The following DLC1 variants were observed in gnomAD, a reference collection of about 807,000 sequenced individuals.
DLC1 encodes DLC1 Rho GTPase activating protein.
DLC1 carries 54 observed loss-of-function variants against 140.3 expected under a neutral mutation model. That is an observed-to-expected ratio of 0.38 (90% confidence interval 0.31 to 0.48). The LOEUF (loss-of-function observed/expected upper bound fraction) is 0.48, where lower values mean the gene tolerates loss of function less well. Among genes scored for constraint, DLC1 ranks in the 20% least tolerant of loss-of-function variants. The pLI, the probability that DLC1 is intolerant of heterozygous loss-of-function variation, is 0.96. For synonymous variants in DLC1, 986 were observed against 728.1 expected, an observed-to-expected ratio of 1.35 and a Z score of -5.70; for missense variants, 2,536 against 1,907.0, an observed-to-expected ratio of 1.33 and a Z score of -6.14.
At chr8:13,325,740 A>C (rs946756452) in intron 4 of DLC1, among the ~76,000 whole-genome samples, 6 of 152,224 alleles carry the variant, frequency 3.9e-5, no homozygotes, top group Admixed American at 3.3e-4. Flanking sequence ...ATTCTCTGGG[A>C]AAAATGGGCA....
At chr8:13,563,256 C>T (rs1462975064) in intron 1 of DLC1, among the ~76,000 whole-genome samples, 1 of 152,112 alleles carries the variant, frequency 6.6e-6, no homozygotes, top group Non-Finnish European at 1.5e-5. Context: ...ATTCTTGAGG[C>T]AGTCAGATAA....
At chr8:13,497,658 T>C (rs1278931912) in intron 2 of DLC1, among the ~76,000 whole-genome samples, 4 of 152,232 alleles carry the variant, frequency 2.6e-5, no homozygotes, top group Non-Finnish European at 5.9e-5. Flanking sequence ...GTGGAGTTTG[T>C]TTTATTTTAG....
chr8:13,497,579 G>C (rs1216896484), intron 2 of DLC1, among the ~76,000 whole-genome samples: 3 of 152,186 alleles, frequency 2.0e-5, no homozygotes, highest in Non-Finnish European at 2.9e-5. Context: ...AGCATTCTTA[G>C]TATTGATATA....
intron 5 of DLC1, among the ~76,000 whole-genome samples, chr8:13,291,986 T>C (rs981262693): frequency 3.8e-5 from 1 of 26,286 alleles, no homozygotes; most frequent in African/African-American, 7.1e-5. Context: ...ATGCAATGTT[T>C]TCTTTTTTTT....
At chr8:13,443,449 G>C (rs952992456) in intron 2 of DLC1, among the ~76,000 whole-genome samples, 4 of 151,156 alleles carry the variant, frequency 2.6e-5, no homozygotes. Context: ...CATAAGGTCA[G>C]GAGATCGAGA....
At chr8:13,189,197 A>G (rs1826598677) in intron 5 of DLC1, among the ~76,000 whole-genome samples, 1 of 152,174 alleles carries the variant, frequency 6.6e-6, no homozygotes, top group African/African-American at 2.4e-5. Flanking sequence ...AATAGAGGCT[A>G]AAATAGCCTC....
At chr8:13,488,149 A>G (rs1801055184) in intron 2 of DLC1, among the ~76,000 whole-genome samples, 1 of 152,206 alleles carries the variant, frequency 6.6e-6, no homozygotes. Context: ...CCTTGTTATA[A>G]CTGTTCAAAA....
At chr8:13,398,877 G>A (rs527994681) in intron 3 of DLC1, among the ~76,000 whole-genome samples, 1 of 152,184 alleles carries the variant, frequency 6.6e-6, no homozygotes, top group Non-Finnish European at 1.5e-5. Context: ...ATAGCTATTT[G>A]CAGGTGTGAT....
intron 4 of DLC1, among the ~76,000 whole-genome samples, chr8:13,345,009 T>A (rs1033338935): frequency 6.6e-6 from 1 of 152,112 alleles, no homozygotes; most frequent in Non-Finnish European, 1.5e-5. Context: ...AAGAGGTGCA[T>A]AGAATCATAT....
At chr8:13,245,638 C>T (rs541065853) in intron 5 of DLC1, among the ~76,000 whole-genome samples, 9 of 152,118 alleles carry the variant, frequency 5.9e-5, no homozygotes, top group African/African-American at 1.7e-4. Flanking sequence ...TGTACCACTC[C>T]CATCATCAGA....
At chr8:13,565,765 C>G (rs1216566880) in intron 1 of DLC1, among the ~76,000 whole-genome samples, 3 of 152,144 alleles carry the variant, frequency 2.0e-5, no homozygotes, top group South Asian at 2.1e-4. Context: ...TAGACATTGA[C>G]TAAGTCCTAG....
chr8:13,165,296 AAAG>A (rs1368669386), intron 5 of DLC1, among the ~76,000 whole-genome samples: 7 of 152,188 alleles, frequency 4.6e-5, no homozygotes, highest in African/African-American at 1.7e-4. Context: ...CAGTTAAAAG[AAAG>A]AAGGAGATGA....
At chr8:13,241,607 AC>A (rs1303220718) in intron 5 of DLC1, among the ~76,000 whole-genome samples, 1 of 152,190 alleles carries the variant, frequency 6.6e-6, no homozygotes, top group Non-Finnish European at 1.5e-5. Context: ...CCTTCTCTGC[AC>A]CCTGCATCCA....
intron 5 of DLC1, among the ~76,000 whole-genome samples, chr8:13,199,992 G>A (rs1827289586): frequency 1.3e-5 from 2 of 152,146 alleles, no homozygotes; most frequent in South Asian, 2.1e-4. Flanking sequence ...TTCTGAAAGA[G>A]TTAGATGTAT....
chr8:13,569,334 A>T (rs1433879154), intron 1 of DLC1, among the ~76,000 whole-genome samples: 2 of 146,718 alleles, frequency 1.4e-5, no homozygotes, highest in African/African-American at 5.1e-5. Flanking sequence ...TCTTTGCGTT[A>T]AGACCTTCAT....
chr8:13,415,619 T>G (rs902250612), intron 2 of DLC1, among the ~76,000 whole-genome samples: 1 of 152,206 alleles, frequency 6.6e-6, no homozygotes, highest in African/African-American at 2.4e-5. Context: ...CAGGATGGTC[T>G]CGATCACCTG....
At chr8:13,424,693 C>A (rs1298461689) in intron 2 of DLC1, among the ~76,000 whole-genome samples, 2 of 151,822 alleles carry the variant, frequency 1.3e-5, no homozygotes. Context: ...CTGCCTTAGC[C>A]CCCTGAGTAG....
intron 5 of DLC1, among the ~76,000 whole-genome samples, chr8:13,247,147 C>T (rs6982825): frequency 0.18 from 28,030 of 152,054 alleles, 2,817 homozygotes; most frequent in African/African-American, 0.26. Flanking sequence ...AGACAAAAGG[C>T]AAAAATATTG....
At chr8:13,389,050 G>A (rs953280251) in intron 4 of DLC1, among the ~76,000 whole-genome samples, 2 of 152,022 alleles carry the variant, frequency 1.3e-5, no homozygotes, top group Non-Finnish European at 2.9e-5. Context: ...GCCATATCCT[G>A]TGTACTCTTG....
Sources: allele counts gnomAD v4.1 joint callset (sites outside exome capture counted in the v4.1 genomes callset), GRCh38; gene constraint gnomAD v4.1.1; transcripts MANE v1.5; gene names NCBI Gene and HGNC (gene_info 2026-07-23, HGNC 2026-07-21).